BCAS1: variants seen among roughly 807,000 people sequenced by gnomAD.
BCAS1 encodes the protein breast carcinoma-amplified sequence 1.
Under a neutral mutation model 65.4 loss-of-function variants are expected in BCAS1, and 46 were observed. The ratio of observed to expected loss-of-function variants is 0.70; its 90% CI spans 0.55 to 0.90. The LOEUF (loss-of-function observed/expected upper bound fraction) is 0.90, where lower values mean the gene tolerates loss of function less well. Among genes scored for constraint, BCAS1 ranks in the 40% least tolerant of loss-of-function variants. The pLI is 0.00. For missense variants in BCAS1, 793 were observed against 771.2 expected (o/e 1.03, Z -0.33); for synonymous variants, 298 against 293.5 (o/e 1.02, Z -0.16).
chr20:54,013,605 C>A (rs1363232571), intron 4 of BCAS1, among the ~76,000 whole-genome samples: 1 of 152,168 alleles, frequency 6.6e-6, no homozygotes, highest in Admixed American at 6.5e-5. Context: ...AGAGGATAAA[C>A]CTAAACTCAC....
At position 54,062,883 on chromosome 20, in the gene BCAS1, A is replaced by T. The variant is rs150380265; in HGVS notation, c.-5-4160T>A. Among the ~76,000 whole-genome samples, 3 of 152,336 alleles carry T rather than the reference A, an allele frequency of 2.0e-5. No homozygotes were observed. In the East Asian group the frequency reaches 5.8e-4, roughly 29 times the overall value. ...TGAAATTGCTCCTGCCTGTCCATCA[A>T]CCTTTTAAAGAACAGGATTCATCTG... On this transcript the variant is annotated intron_variant, in intron 1 of 12. Transcript: ENST00000688948.
chr20:53,950,626 A>T (rs145913818), intron 12 of BCAS1, among the ~76,000 whole-genome samples: 218 of 152,320 alleles, frequency 1.4e-3, no homozygotes, highest in African/African-American at 4.7e-3. Context: ...TTTTAAACTT[A>T]TCTACTAATA....
At chr20:54,038,839 A>G (rs538616358) in intron 3 of BCAS1, among the ~76,000 whole-genome samples, 1 of 151,438 alleles carries the variant, frequency 6.6e-6, no homozygotes, top group South Asian at 2.1e-4. Context: ...GCAAAGGGAA[A>G]TTGTACATCT....
At chr20:54,010,667 A>C (rs2145954034) in intron 4 of BCAS1, among the ~76,000 whole-genome samples, 1 of 152,320 alleles carries the variant, frequency 6.6e-6, no homozygotes, top group South Asian at 2.1e-4. Flanking sequence ...AATCTGCCCC[A>C]AATTGATATA....
At chr20:54,041,369 C>G (rs2091988096) in intron 3 of BCAS1, among the ~76,000 whole-genome samples, 1 of 142,344 alleles carries the variant, frequency 7.0e-6, no homozygotes, top group African/African-American at 2.5e-5. Flanking sequence ...GATAAATAAA[C>G]AGCAACACAG....
chr20:54,000,880 A>G (rs2091039547), intron 4 of BCAS1, among the ~76,000 whole-genome samples: 1 of 151,110 alleles, frequency 6.6e-6, no homozygotes, highest in Non-Finnish European at 1.5e-5. Context: ...TTCCAAACAT[A>G]TGAGACACAT....
At chr20:54,031,769 C>T (rs931324899) in intron 3 of BCAS1, among the ~76,000 whole-genome samples, 1 of 151,226 alleles carries the variant, frequency 6.6e-6, no homozygotes, top group Non-Finnish European at 1.5e-5. Flanking sequence ...TGAATACATA[C>T]TCAGTGACTT....
intron 4 of BCAS1, among the ~76,000 whole-genome samples, chr20:54,018,971 T>C (rs571228126): frequency 9.8e-5 from 15 of 152,342 alleles, no homozygotes; most frequent in South Asian, 8.3e-4. Context: ...GTCTGAAATA[T>C]AGAATTGTAT....
rs61749687 is a variant in BCAS1 at position 53,966,984 on chromosome 20, T to A, written c.1407A>T (p.Ala469=). ...TGAGTTTCGCTTCTGTGGGTTCAGG[T>A]GCAGCATCTCCTTCGTTGAGGTCCA... ...QTVDLNEGDA[A]PEPTEAKLKR... The change falls in exon 10 of 13, where the codon GCA becomes GCT. Residue 469 remains alanine, a synonymous_variant. Transcript: ENST00000688948. The A allele has an allele frequency of 8.1e-3, 13,131 of 1,613,372 alleles. 176 individuals carry two copies. The highest frequency in any genetic ancestry group is 0.043 in the South Asian group (3,921 of 90,776).
chr20:54,052,053 T>C (rs2092224742), intron 3 of BCAS1, among the ~76,000 whole-genome samples: 1 of 152,176 alleles, frequency 6.6e-6, no homozygotes, highest in Admixed American at 6.5e-5. Flanking sequence ...ATGCTGATTT[T>C]TAAAAAACTT....
intron 3 of BCAS1, among the ~76,000 whole-genome samples, chr20:54,042,103 A>AACTATTT (rs1429798809): frequency 6.6e-6 from 1 of 152,132 alleles, no homozygotes; most frequent in Non-Finnish European, 1.5e-5. Context: ...TTACGTATGG[A>AACTATTT]ACTATTTGCT....
chr20:54,027,777 C>A (rs1338386169), intron 4 of BCAS1, among the ~76,000 whole-genome samples: 1 of 150,292 alleles, frequency 6.7e-6, no homozygotes, highest in East Asian at 2.0e-4. Flanking sequence ...TCTTTGAAAA[C>A]CAACACAAAA....
intron 12 of BCAS1, among the ~76,000 whole-genome samples, chr20:53,951,328 A>G (rs1368367495): frequency 1.3e-5 from 2 of 152,242 alleles, no homozygotes; most frequent in East Asian, 3.9e-4. Context: ...AAAATTAGCC[A>G]GGCGTGGTGG....
chr20:53,957,454 T>G lies in BCAS1; in HGVS notation c.1529A>C (p.Asn510Thr), dbSNP rs1251536431. ...DGGITHSEEINGKDSSCQTSD... is the reference protein window; with the variant it reads ...DGGITHSEEITGKDSSCQTSD... Reference sequence around the variant, plus strand: ...TACTTGGCAGCTGGAGTCTTTCCCATTTATTTCTTCTGAGTGGGTGATCCC... The same window carrying G: ...TACTTGGCAGCTGGAGTCTTTCCCAGTTATTTCTTCTGAGTGGGTGATCCC... Residue 510 changes from asparagine (N) to threonine (T), a missense_variant, in exon 11 of 13, where the codon AAT becomes ACT. Physicochemically the swap from Asn to Thr is moderately conservative, Grantham distance 65. Transcript: ENST00000688948. 3.7e-6 allele frequency: 6 copies of G among 1,614,146 alleles called. No homozygotes were observed. The highest frequency in any genetic ancestry group is 5.1e-6 in the Non-Finnish European group (6 of 1,179,956).
At chr20:54,025,543 T>C (rs1162667765) in intron 4 of BCAS1, among the ~76,000 whole-genome samples, 1 of 152,108 alleles carries the variant, frequency 6.6e-6, no homozygotes, top group Non-Finnish European at 1.5e-5. Flanking sequence ...CACAGAAGAT[T>C]TGTATGTTTC....
intron 3 of BCAS1, among the ~76,000 whole-genome samples, chr20:54,050,766 AGAT>A (rs112331397): frequency 0.011 from 1,650 of 152,286 alleles, 10 homozygotes; most frequent in South Asian, 0.028. Flanking sequence ...TTGAGTGAGA[AGAT>A]GACTCTGGGG....
chr20:54,014,235 C>T (rs1009324845), intron 4 of BCAS1, among the ~76,000 whole-genome samples: 27 of 152,346 alleles, frequency 1.8e-4, no homozygotes, highest in African/African-American at 6.3e-4. Flanking sequence ...TACCTGGAAA[C>T]TGTTTTTAAG....
intron 6 of BCAS1, among the ~76,000 whole-genome samples, chr20:53,994,089 G>T (rs2090837751): frequency 6.6e-6 from 1 of 152,154 alleles, no homozygotes; most frequent in Non-Finnish European, 1.5e-5. Context: ...TGAAATGCAG[G>T]TCTTTTGAGA....
chr20:53,985,696 T>G (rs1247260750), intron 7 of BCAS1, among the ~76,000 whole-genome samples, 197 bp from the exon 8 acceptor site: 1 of 152,222 alleles, frequency 6.6e-6, no homozygotes, highest in Non-Finnish European at 1.5e-5. Context: ...AAGATATTTT[T>G]CTTTCAAAAA....
Sources: allele counts gnomAD v4.1 joint callset (sites outside exome capture counted in the v4.1 genomes callset), GRCh38; gene constraint gnomAD v4.1.1; transcripts MANE v1.5; gene names NCBI Gene and HGNC (gene_info 2026-07-23, HGNC 2026-07-21).